Variants in CMTM8 observed in about 807,000 individuals in gnomAD.
The protein encoded by CMTM8 is CKLF-like MARVEL transmembrane domain-containing protein 8.
Under a neutral mutation model 18.6 loss-of-function variants are expected in CMTM8, and 12 were observed. The observed-to-expected ratio is 0.65, with a 90% CI of 0.41 to 1.05. The LOEUF (loss-of-function observed/expected upper bound fraction) is 1.05, where lower values mean the gene tolerates loss of function less well. CMTM8 is among the 50% of genes least tolerant of loss of function. The pLI, the probability that CMTM8 is intolerant of heterozygous loss-of-function variation, is 0.00. For synonymous variants in CMTM8, 87 were observed against 90.6 expected, an observed-to-expected ratio of 0.96 and a Z score of 0.23; for missense variants, 217 against 227.2, an observed-to-expected ratio of 0.95 and a Z score of 0.29.
chr3:32,241,061 T>A (rs1701941416), intron 1 of CMTM8, among the ~76,000 whole-genome samples: 1 of 152,232 alleles, frequency 6.6e-6, no homozygotes, highest in South Asian at 2.1e-4. Context: ...GTGCTGGGAT[T>A]GTAGGCATGA....
chr3:32,365,343 G>A (rs1406159081), intron 2 of CMTM8, among the ~76,000 whole-genome samples: 2 of 151,698 alleles, frequency 1.3e-5, no homozygotes, highest in Non-Finnish European at 2.9e-5. Flanking sequence ...TTATACCAAG[G>A]AGGGATTGAC....
At chr3:32,261,068 A>T (rs925072747) in intron 1 of CMTM8, among the ~76,000 whole-genome samples, 4 of 152,090 alleles carry the variant, frequency 2.6e-5, no homozygotes, top group South Asian at 2.1e-4. Context: ...CAGAAAATTT[A>T]AAAATGAGCC....
chr3:32,297,865 G>A (rs1004577315), intron 1 of CMTM8, among the ~76,000 whole-genome samples: 1 of 151,838 alleles, frequency 6.6e-6, no homozygotes, highest in African/African-American at 2.4e-5. Flanking sequence ...AATGGACTGA[G>A]TGTTAATTTA....
At chr3:32,251,240 T>C (rs559268578) in intron 1 of CMTM8, among the ~76,000 whole-genome samples, 1 of 152,288 alleles carries the variant, frequency 6.6e-6, no homozygotes, top group East Asian at 1.9e-4. Context: ...AAGAGCAAAT[T>C]GTTTTTATTT....
intron 1 of CMTM8, among the ~76,000 whole-genome samples, chr3:32,275,184 GTTT>G (rs79212812): frequency 6.9e-6 from 1 of 144,604 alleles, no homozygotes; most frequent in Admixed American, 6.9e-5. Flanking sequence ...TGGGTGTTTG[GTTT>G]TTTTTTTTGT....
intron 1 of CMTM8, among the ~76,000 whole-genome samples, chr3:32,283,840 G>A (rs1168361398): frequency 3.9e-5 from 6 of 152,172 alleles, no homozygotes; most frequent in African/African-American, 1.2e-4. Flanking sequence ...AGTGCTCTAG[G>A]TGTGTTCAGA....
intron 1 of CMTM8, among the ~76,000 whole-genome samples, chr3:32,347,570 G>A (rs1696626554): frequency 6.6e-6 from 1 of 152,106 alleles, no homozygotes; most frequent in Non-Finnish European, 1.5e-5. Flanking sequence ...CAAGGGCCGG[G>A]CTTTGTAGCT....
intron 1 of CMTM8, among the ~76,000 whole-genome samples, chr3:32,252,952 T>C (rs1702133126): frequency 6.6e-6 from 1 of 152,198 alleles, no homozygotes; most frequent in African/African-American, 2.4e-5. Context: ...CTGTGTACCC[T>C]TTTTAATTAG....
intron 1 of CMTM8, among the ~76,000 whole-genome samples, chr3:32,355,351 C>A (rs940410489): frequency 1.3e-5 from 2 of 152,190 alleles, no homozygotes; most frequent in African/African-American, 2.4e-5. Flanking sequence ...ACAAGTCCAA[C>A]CCTGATCTAC....
chr3:32,273,774 A>G (rs1702476617), intron 1 of CMTM8, among the ~76,000 whole-genome samples: 1 of 152,138 alleles, frequency 6.6e-6, no homozygotes, highest in South Asian at 2.1e-4. Flanking sequence ...TGTGGTAGTT[A>G]CATACCTCTT....
chr3:32,300,892 G>A (rs956815086), intron 1 of CMTM8, among the ~76,000 whole-genome samples: 4 of 151,790 alleles, frequency 2.6e-5, no homozygotes, highest in Non-Finnish European at 4.4e-5. Flanking sequence ...CCTGGGAGGC[G>A]GAGGTTGTGG....
At chr3:32,348,288 A>T (rs1482440202) in intron 1 of CMTM8, among the ~76,000 whole-genome samples, 2 of 152,126 alleles carry the variant, frequency 1.3e-5, no homozygotes, top group African/African-American at 2.4e-5. Flanking sequence ...TGCCTCTTTT[A>T]TTAGGCAACC....
chr3:32,252,014 C>T (rs1702116606), intron 1 of CMTM8, among the ~76,000 whole-genome samples: 1 of 151,966 alleles, frequency 6.6e-6, no homozygotes, highest in South Asian at 2.1e-4. Context: ...GGCTTGAGCC[C>T]AGGAAGTGGA....
chr3:32,275,644 CTTTTTTTT>C (rs771943263), intron 1 of CMTM8, among the ~76,000 whole-genome samples: 8 of 78,110 alleles, frequency 1.0e-4, no homozygotes, highest in East Asian at 4.1e-4. Context: ...CATGTACTTC[CTTTTTTTT>C]TTTTTTTTTT....
intron 1 of CMTM8, among the ~76,000 whole-genome samples, chr3:32,280,699 A>G (rs1702593695): frequency 6.6e-6 from 1 of 152,052 alleles, no homozygotes; most frequent in Non-Finnish European, 1.5e-5. Flanking sequence ...AAGAACCTGG[A>G]TGACTCACAG....
chr3:32,368,594 G>A (rs890045173), intron 3 of CMTM8, among the ~76,000 whole-genome samples: 1 of 151,652 alleles, frequency 6.6e-6, no homozygotes, highest in Admixed American at 6.6e-5. Flanking sequence ...CTGAATAGCT[G>A]GGACTAGAAT....
intron 1 of CMTM8, among the ~76,000 whole-genome samples, chr3:32,295,004 G>A (rs1192362794): frequency 1.3e-5 from 2 of 151,914 alleles, no homozygotes; most frequent in African/African-American, 2.4e-5. Context: ...GTAGTGAGCT[G>A]ATATCATGCC....
intron 1 of CMTM8, among the ~76,000 whole-genome samples, chr3:32,293,018 G>A (rs1466522934): frequency 5.9e-5 from 9 of 151,444 alleles, no homozygotes; most frequent in South Asian, 2.1e-4. Context: ...CCTGATAGAC[G>A]TCTATCCATA....
At chr3:32,364,381 G>T (rs796354946) in intron 2 of CMTM8, among the ~76,000 whole-genome samples, 10 of 152,290 alleles carry the variant, frequency 6.6e-5, no homozygotes, top group African/African-American at 2.2e-4. Context: ...GCATGCGCCT[G>T]TAGTCCCAGC....
Sources: gnomAD v4.1 joint callset for allele counts (sites outside exome capture counted in the v4.1 genomes callset) on GRCh38, gnomAD v4.1.1 for gene constraint, MANE v1.5 for transcripts, NCBI Gene and HGNC (gene_info 2026-07-23, HGNC 2026-07-21) for gene names.